Variants in COL6A6 observed in about 807,000 individuals in gnomAD.
COL6A6 encodes the protein collagen alpha-6(VI) chain.
In COL6A6, 183 loss-of-function variants were observed where a neutral mutation model predicts 208.6. The ratio of observed to expected loss-of-function variants is 0.88; its 90% CI spans 0.78 to 0.99. The LOEUF (loss-of-function observed/expected upper bound fraction) is 0.99. Ranked by LOEUF, COL6A6 falls within the 50% of genes least tolerant of loss-of-function variation. COL6A6 has a pLI of 0.00. For missense variants in COL6A6, 2,816 were observed against 2,815.2 expected (o/e 1.00, Z -0.01); for synonymous variants, 973 against 1,011.8 (o/e 0.96, Z 0.73).
chr3:130,546,649 G>C (rs962163369), intron 1 of COL6A6, among the ~76,000 whole-genome samples: 4 of 152,166 alleles, frequency 2.6e-5, no homozygotes, highest in Non-Finnish European at 5.9e-5. Flanking sequence ...GGTGCTGATT[G>C]GTGCATTTAC....
At chr3:130,641,187 A>C (rs1346209823) in intron 28 of COL6A6, among the ~76,000 whole-genome samples, 1 of 144,496 alleles carries the variant, frequency 6.9e-6, no homozygotes, top group Admixed American at 6.9e-5. Context: ...TTGCAGCAAC[A>C]AACAGTAAGG....
intron 1 of COL6A6, among the ~76,000 whole-genome samples, chr3:130,548,999 A>T (rs2062583708): frequency 6.6e-6 from 1 of 152,190 alleles, no homozygotes; most frequent in South Asian, 2.1e-4. Context: ...CAAGCTTCTT[A>T]TATGCTAGGC....
rs145622340 is a variant in COL6A6, at chr3:130,649,493, C to T, written c.5664C>T (p.Phe1888=). Reference sequence around the variant, plus strand: ...CCATCACCACGGCTGCCATGGAGTTCGGCGCGCTTGAAATCATTCCCGTGG... The same window carrying T: ...CCATCACCACGGCTGCCATGGAGTTTGGCGCGCTTGAAATCATTCCCGTGG... ...AHSITTAAME[F]GALEIIPVVI... The change falls in exon 33 of 37, where the codon TTC becomes TTT. Residue 1888 remains phenylalanine (F), a synonymous_variant. Transcript: ENST00000358511. The T allele has an allele frequency of 0.012, 19,058 of 1,607,658 alleles. 144 individuals carry two copies. Among genetic ancestry groups the T allele is most frequent in the Non-Finnish European group, 0.014 (16,963 of 1,177,064 alleles).
intron 10 of COL6A6, 123 bp downstream of exon 10, chr3:130,582,191 A>G: frequency 4.7e-6 from 3 of 644,548 alleles, no homozygotes; most frequent in East Asian, 5.4e-5. Flanking sequence ...CAATCTCCGT[A>G]TTCTGTATGT....
intron 2 of COL6A6, among the ~76,000 whole-genome samples, chr3:130,561,867 T>C (rs1465875847): frequency 6.6e-6 from 1 of 151,640 alleles, no homozygotes; most frequent in African/African-American, 2.4e-5. Context: ...TTAGCCAGGA[T>C]GGTCTCGATC....
At chr3:130,546,904 T>A (rs1358689195) in intron 1 of COL6A6, among the ~76,000 whole-genome samples, 2 of 56,480 alleles carry the variant, frequency 3.5e-5, no homozygotes, top group Non-Finnish European at 1.1e-4. Context: ...TTACAAACCT[T>A]ATGCTAGACA....
rs67886147 is a variant in COL6A6 at position 130,673,221 on chromosome 3, A to ACCC, written c.6597-1981_6597-1980insCCC. ...AAACAAAAAAAACAAAAAAAACAAA[A>ACCC]AAAAAAAACAAAACCCAAGTGCAAA... On this transcript the variant is annotated intron_variant, in intron 36 of 36. Coordinates refer to ENST00000358511, the MANE Select transcript of COL6A6 (RefSeq NM_001102608.3). Among the ~76,000 whole-genome samples, 15 of 117,054 alleles carry ACCC rather than the reference A, an allele frequency of 1.3e-4. No homozygotes were observed. The South Asian group carries it at 1.3e-3, about 11-fold the overall frequency. 76.8% of individuals were successfully genotyped at this position (117,054 alleles called of 152,430 possible).
At chr3:130,520,686 A>C (rs1212048037) in intron 1 of COL6A6, among the ~76,000 whole-genome samples, 2 of 152,192 alleles carry the variant, frequency 1.3e-5, no homozygotes, top group East Asian at 3.8e-4. Flanking sequence ...CACTTTGAAA[A>C]TCCAATAACA....
intron 1 of COL6A6, among the ~76,000 whole-genome samples, chr3:130,550,857 GT>G (rs1168030162): frequency 3.9e-5 from 6 of 152,152 alleles, no homozygotes; most frequent in Non-Finnish European, 5.9e-5. Context: ...TTTGTTGAGG[GT>G]TTTTAACATG....
chr3:130,643,936 A>G (rs1369867690), intron 31 of COL6A6, among the ~76,000 whole-genome samples: 1 of 152,200 alleles, frequency 6.6e-6, no homozygotes, highest in African/African-American at 2.4e-5. Flanking sequence ...ACACATGTAT[A>G]CATTGAGTCA....
intron 26 of COL6A6, 38 bp downstream of exon 26, chr3:130,627,407 TA>T: frequency 6.3e-7 from 1 of 1,598,990 alleles, no homozygotes; most frequent in Non-Finnish European, 8.6e-7. Context: ...GTTTTCCATT[TA>T]TTTTTTGTTG....
At chr3:130,621,342 ATATCT>A (rs532152441) in intron 23 of COL6A6, among the ~76,000 whole-genome samples, 20 of 152,338 alleles carry the variant, frequency 1.3e-4, no homozygotes, top group African/African-American at 4.6e-4. Flanking sequence ...CTACCTAAAC[ATATCT>A]TATGAACACT....
chr3:130,589,516 A>C (rs911468570), intron 12 of COL6A6, among the ~76,000 whole-genome samples: 5 of 152,220 alleles, frequency 3.3e-5, no homozygotes, highest in Admixed American at 2.0e-4. Context: ...TGAATAACGC[A>C]TTTCAGCATT....
At chr3:130,522,645 A>G (rs1711138672) in intron 1 of COL6A6, among the ~76,000 whole-genome samples, 1 of 152,156 alleles carries the variant, frequency 6.6e-6, no homozygotes, top group African/African-American at 2.4e-5. Flanking sequence ...CACAAGTCCA[A>G]CAAGTCCCAA....
chr3:130,563,785 A>T, intron 3 of COL6A6, 121 bp downstream of exon 3: 1 of 668,060 alleles, frequency 1.5e-6, no homozygotes. Context: ...TTCAGATGTT[A>T]TGTACCCATC....
Position 130,563,491 on chromosome 3 carries a change from CTG to C in COL6A6, c.490_491del (p.Val164ArgfsTer7). On this transcript the variant is annotated frameshift_variant, in exon 3 of 37. Transcript: ENST00000358511. LOFTEE classifies it high-confidence loss of function. ...CGGAAAGACGGAGTGAAAATCATCT[CTG>C]TAGGGGTGCAGAAAGCTTCTGAGGA... 1 of 1,614,010 alleles carries C rather than the reference CTG, an allele frequency of 6.2e-7. No homozygotes were observed. Among genetic ancestry groups the C allele is most frequent in the Non-Finnish European group, 8.5e-7 (1 of 1,179,892 alleles).
At chr3:130,662,332 T>C in intron 35 of COL6A6, 24 bp downstream of exon 35, 1 of 1,591,772 alleles carries the variant, frequency 6.3e-7, no homozygotes, top group Non-Finnish European at 8.6e-7. Flanking sequence ...TCTGTTGTTC[T>C]CTGCACTTTA....
chr3:130,673,477 G>C (rs1471412162), intron 36 of COL6A6, among the ~76,000 whole-genome samples: 1 of 151,640 alleles, frequency 6.6e-6, no homozygotes, highest in Non-Finnish European at 1.5e-5. Context: ...GAGGTGGGGA[G>C]AGGTGCGGGG....
chr3:130,655,482 C>G (rs1339548824), intron 33 of COL6A6, among the ~76,000 whole-genome samples: 1 of 152,132 alleles, frequency 6.6e-6, no homozygotes, highest in African/African-American at 2.4e-5. Context: ...ATAAAAATTA[C>G]TCAAATAAAC....
Sources: allele counts gnomAD v4.1 joint callset (sites outside exome capture counted in the v4.1 genomes callset), GRCh38; gene constraint gnomAD v4.1.1; transcripts MANE v1.5; gene names NCBI Gene and HGNC (gene_info 2026-07-23, HGNC 2026-07-21).